The following SOS1 variants were observed in gnomAD, a reference collection of about 807,000 sequenced individuals.
SOS1 encodes the protein son of sevenless homolog 1.
SOS1 carries 25 observed loss-of-function variants against 157.6 expected under a neutral mutation model. The observed-to-expected ratio is 0.16, with a 90% CI of 0.12 to 0.22. The LOEUF (loss-of-function observed/expected upper bound fraction) is 0.22. Among genes scored for constraint, SOS1 ranks in the 10% least tolerant of loss-of-function variants. The pLI is 1.00. For missense variants in SOS1, 1,237 were observed against 1,599.1 expected (o/e 0.77, Z 3.86); for synonymous variants, 528 against 534.0 (o/e 0.99, Z 0.16).
chr2:39,064,601 T>G (rs932838749), intron 2 of SOS1, among the ~76,000 whole-genome samples: 1 of 152,116 alleles, frequency 6.6e-6, no homozygotes, highest in Non-Finnish European at 1.5e-5. Flanking sequence ...ACTGTAAATA[T>G]GTATTCTTTG....
At chr2:39,003,066 C>CAAAAAAAAACA (rs1553352632) in intron 17 of SOS1, among the ~76,000 whole-genome samples, 1 of 72,306 alleles carries the variant, frequency 1.4e-5, no homozygotes, top group Non-Finnish European at 3.3e-5. Flanking sequence ...GACCTTGTAT[C>CAAAAAAAAACA]AAAAAAAAAA....
intron 6 of SOS1, among the ~76,000 whole-genome samples, chr2:39,036,579 G>GT (rs1553358394): frequency 3.4e-5 from 5 of 146,396 alleles, no homozygotes; most frequent in East Asian, 2.3e-4. Context: ...GTCGTTTTTT[G>GT]TTTTTTCTTT....
At chr2:39,081,306 G>T (rs1672193150) in intron 1 of SOS1, among the ~76,000 whole-genome samples, 1 of 152,180 alleles carries the variant, frequency 6.6e-6, no homozygotes, top group African/African-American at 2.4e-5. Context: ...GATCACTGGA[G>T]GTCAGGAGTT....
At chr2:39,061,033 T>C (rs752656472) in intron 2 of SOS1, among the ~76,000 whole-genome samples, 7 of 151,886 alleles carry the variant, frequency 4.6e-5, no homozygotes, top group African/African-American at 4.8e-5. Flanking sequence ...CCCCTGTCCA[T>C]ATCAATTATG....
chr2:39,045,273 A>AGAGTGTGTGTGTGT lies in SOS1; in HGVS notation c.864+5870_864+5871insACACACACACACTC, dbSNP rs138343013. Among the ~76,000 whole-genome samples, 179 of 108,086 alleles carry AGAGTGTGTGTGTGT rather than the reference A, an allele frequency of 1.7e-3. 1 individual carries two copies. Among genetic ancestry groups the AGAGTGTGTGTGTGT allele is most frequent in the Admixed American group, 2.3e-3 (23 of 10,188 alleles). 70.9% of individuals were successfully genotyped at this position (108,086 alleles called of 152,430 possible). A position where few individuals can be genotyped will look rare whatever the true frequency, so the allele number is the denominator to read the frequency against. The stretch of plus-strand genomic sequence containing the variant: ...GAGAGAGAGAGAGAGAGAGAGAGAG[A>AGAGTGTGTGTGTGT]GTGTGTGTGTGTGTGTGTGTGTGTG... On this transcript the variant is annotated intron_variant, in intron 6 of 22. Coordinates refer to ENST00000402219, the MANE Select transcript of SOS1 (RefSeq NM_005633.4).
intron 2 of SOS1, among the ~76,000 whole-genome samples, chr2:39,065,080 G>A (rs1671549890): frequency 6.6e-6 from 1 of 151,798 alleles, no homozygotes; most frequent in Non-Finnish European, 1.5e-5. Context: ...TTTCTTATGT[G>A]ACCCTCAAAA....
chr2:39,010,397 C>G (rs1346550329), intron 15 of SOS1, among the ~76,000 whole-genome samples, 187 bp downstream of exon 15: 1 of 151,436 alleles, frequency 6.6e-6, no homozygotes, highest in Non-Finnish European at 1.5e-5. Flanking sequence ...CCTGGTTACT[C>G]TGGAGGCTGA....
chr2:39,007,384 C>T (rs902721374), intron 15 of SOS1, 191 bp from the exon 16 acceptor site: 9 of 587,450 alleles, frequency 1.5e-5, no homozygotes, highest in South Asian at 4.1e-5. Context: ...TGCTCTTTCC[C>T]GTCTTCTAGA....
intron 1 of SOS1, among the ~76,000 whole-genome samples, chr2:39,068,608 G>C (rs1434114314): frequency 2.6e-5 from 4 of 152,006 alleles, no homozygotes; most frequent in East Asian, 3.9e-4. Flanking sequence ...CTGTATCAAA[G>C]GACACAAAAT....
chr2:39,046,630 A>G (rs1049320519), intron 6 of SOS1, among the ~76,000 whole-genome samples: 1 of 150,852 alleles, frequency 6.6e-6, no homozygotes, highest in African/African-American at 2.5e-5. Context: ...TCAGCCTCCC[A>G]AGTAGCTGGG....
At chr2:39,006,903 T>A (rs1669298276) in intron 16 of SOS1, 128 bp downstream of exon 16, 2 of 713,294 alleles carry the variant, frequency 2.8e-6, no homozygotes, top group East Asian at 5.4e-5. Context: ...ACTTAGATAA[T>A]TCAGTCTTTT....
At position 39,023,199 on chromosome 2, in the gene SOS1, T is replaced by C; in HGVS notation, c.1229A>G (p.Gln410Arg). 1 of 1,613,226 alleles carries C rather than the reference T, an allele frequency of 6.2e-7. No homozygotes were observed. Among genetic ancestry groups the C allele is most frequent in the Non-Finnish European group, 8.5e-7 (1 of 1,179,522 alleles). Reference sequence around the variant, plus strand: ...TGCTAGTTGTTTCCCCTTCATTTGCTGACTATAAAACCGACATGCAGATTC... The same window carrying C: ...TGCTAGTTGTTTCCCCTTCATTTGCCGACTATAAAACCGACATGCAGATTC... ...LSESACRFYS[Q>R]QMKGKQLAIK... The change falls in exon 10 of 23, where the codon CAG (glutamine) becomes CGG (arginine). Residue 410 changes from glutamine (Q) to arginine (R), a missense_variant. Coordinates refer to ENST00000402219, the MANE Select transcript of SOS1 (RefSeq NM_005633.4).
chr2:39,019,394 A>C (rs1376719138), intron 10 of SOS1, among the ~76,000 whole-genome samples: 1 of 151,678 alleles, frequency 6.6e-6, no homozygotes, highest in Non-Finnish European at 1.5e-5. Context: ...TCCTACTCTC[A>C]ACTTTTTATT....
intron 17 of SOS1, 98 bp downstream of exon 17, chr2:39,006,314 C>T (rs1669281120): frequency 3.8e-6 from 3 of 779,694 alleles, no homozygotes; most frequent in Admixed American, 3.5e-5. Context: ...CAAGTATTTT[C>T]TGCTGGCATA....
chr2:39,041,108 G>T (rs1670553915), intron 6 of SOS1, among the ~76,000 whole-genome samples: 1 of 152,086 alleles, frequency 6.6e-6, no homozygotes, highest in Non-Finnish European at 1.5e-5. Flanking sequence ...ACCCAGGCTG[G>T]AGTGCAATCA....
At chr2:39,025,270 G>A (rs1048230802) in intron 8 of SOS1, among the ~76,000 whole-genome samples, 3 of 151,714 alleles carry the variant, frequency 2.0e-5, no homozygotes, top group African/African-American at 7.3e-5. Flanking sequence ...AACAATTTAG[G>A]AATACCTACT....
At chr2:39,064,931 T>C (rs957406820) in intron 2 of SOS1, among the ~76,000 whole-genome samples, 1 of 150,948 alleles carries the variant, frequency 6.6e-6, no homozygotes. Flanking sequence ...TGTATTTTTT[T>C]TTTTTTAGTA....
intron 2 of SOS1, among the ~76,000 whole-genome samples, chr2:39,059,667 G>C (rs1009106327): frequency 6.6e-6 from 1 of 152,034 alleles, no homozygotes; most frequent in African/African-American, 2.4e-5. Flanking sequence ...TGAATAAAAA[G>C]TTTTATTATT....
rs1283632200 is a variant in SOS1 at position 39,120,536 on chromosome 2, G to A, written c.-114C>T. ...GGGCCGCGGCCCCACCGGACGGCCC[G>A]GCCCCCTCCGGGCGCCGCGCAGCCG... On this transcript the variant is annotated 5_prime_UTR_variant, in exon 1 of 23. Coordinates refer to ENST00000402219, the MANE Select transcript of SOS1 (RefSeq NM_005633.4). 2 of 1,092,812 alleles carry A rather than the reference G, an allele frequency of 1.8e-6. No individual in the cohort carries two copies. The highest frequency in any genetic ancestry group is 2.2e-6 in the Non-Finnish European group (2 of 899,522). The allele number at this position is 1,092,812 out of a possible 1,614,324, so 67.7% of individuals were successfully genotyped here. A position where few individuals can be genotyped will look rare whatever the true frequency, so the allele number is the denominator to read the frequency against.
Sources: gnomAD v4.1 joint callset for allele counts (sites outside exome capture counted in the v4.1 genomes callset) on GRCh38, gnomAD v4.1.1 for gene constraint, MANE v1.5 for transcripts, NCBI Gene and HGNC (gene_info 2026-07-23, HGNC 2026-07-21) for gene names.